DLGAP4: variants seen among roughly 807,000 people sequenced by gnomAD.
The protein encoded by DLGAP4 is disks large-associated protein 4.
A neutral mutation model predicts 86.9 loss-of-function variants in DLGAP4; 18 were observed. The observed-to-expected ratio is 0.21, with a 90% CI of 0.14 to 0.31. The LOEUF is 0.31. Ranked by LOEUF, DLGAP4 falls within the 10% of genes least tolerant of loss-of-function variation. DLGAP4 has a pLI of 1.00. For synonymous variants in DLGAP4, 548 were observed against 574.3 expected (o/e 0.95, Z 0.65); for missense variants, 1,085 against 1,362.6 (o/e 0.80, Z 3.21).
rs2035215797 is a variant in DLGAP4 at position 36,482,157 on chromosome 20, G to A, written c.1649-14548G>A. Among the ~76,000 whole-genome samples the A allele has an allele frequency of 5.3e-5, 8 of 152,110 alleles. No individual in the cohort carries two copies. The South Asian group carries it at 1.5e-3, about 28-fold the overall frequency. On this transcript the variant is annotated intron_variant, in intron 7 of 12. Transcript: ENST00000339266. The stretch of plus-strand genomic sequence containing the variant: ...CCGAGGGATCTTGGCTCCTACTCCT[G>A]TCACCTGATATGCCACCTGCCACTC...
At chr20:36,343,083 C>CT (rs1198979152) in intron 1 of DLGAP4, among the ~76,000 whole-genome samples, 1 of 152,074 alleles carries the variant, frequency 6.6e-6, no homozygotes, top group Non-Finnish European at 1.5e-5. Context: ...GGCCTTCTGG[C>CT]CCTCAGCCCC....
rs915616919 is a variant in DLGAP4, at chr20:36,431,824, C to A, written c.107C>A (p.Pro36His). The change falls in exon 3 of 13, where the codon CCC (proline) becomes CAC (histidine). Residue 36 changes from proline to histidine, a missense_variant. Pro to His is a moderately conservative substitution (Grantham distance 77). This residue lies in a region of DLGAP4 where 1,082 missense variants were observed against 1,344.1 expected (regional missense o/e 0.81). Transcript: ENST00000339266. The surrounding 1 kb of genome is among the most constrained non-coding windows in gnomAD (Gnocchi z 5.1). ...GTDRNPYLLS[P>H]TEAFAREARF... ...GACCGCAACCCCTACCTGCTGTCGC[C>A]CACGGAGGCCTTCGCCCGCGAGGCC... is the stretch of plus-strand genomic sequence containing the variant. 9 of 1,613,808 alleles carry A rather than the reference C, an allele frequency of 5.6e-6. No individual in the cohort carries two copies. The East Asian group carries it at 2.0e-4, about 36-fold the overall frequency.
At chr20:36,496,591 C>A (rs2147764851) in intron 7 of DLGAP4, 114 bp from the exon 8 acceptor site, 1 of 1,471,604 alleles carries the variant, frequency 6.8e-7, no homozygotes, top group Non-Finnish European at 9.0e-7. Flanking sequence ...GACGGAATGG[C>A]TAAGCCCAGA....
chr20:36,357,260 G>A (rs962703211), intron 1 of DLGAP4, among the ~76,000 whole-genome samples: 1 of 152,130 alleles, frequency 6.6e-6, no homozygotes, highest in Non-Finnish European at 1.5e-5. Flanking sequence ...GGCGTGCTCT[G>A]TCCCTCTTCC....
chr20:36,378,046 C>T (rs1161175435), intron 2 of DLGAP4, among the ~76,000 whole-genome samples: 3 of 152,212 alleles, frequency 2.0e-5, no homozygotes, highest in Non-Finnish European at 4.4e-5. Flanking sequence ...ACCAGCCCAG[C>T]TGTCCCCCAG....
chr20:36,466,980 TC>T (rs2034398782), intron 7 of DLGAP4, among the ~76,000 whole-genome samples: 2 of 149,404 alleles, frequency 1.3e-5, no homozygotes, highest in Admixed American at 1.3e-4. Flanking sequence ...CTCTCCTCTC[TC>T]TCTCTCTCTG....
intron 2 of DLGAP4, among the ~76,000 whole-genome samples, chr20:36,421,640 G>C (rs2032831549): frequency 6.6e-6 from 1 of 151,988 alleles, no homozygotes; most frequent in African/African-American, 2.4e-5. Context: ...AGTTTGTGCT[G>C]CTGAATGGGA....
intron 1 of DLGAP4, among the ~76,000 whole-genome samples, chr20:36,324,398 G>C (rs927059579): frequency 1.3e-5 from 2 of 152,188 alleles, no homozygotes; most frequent in South Asian, 4.1e-4. Flanking sequence ...CTGTACTCCA[G>C]CCTGGGGAAC....
At position 36,478,123 on chromosome 20, in the gene DLGAP4, C is replaced by T. The variant is rs116440841; in HGVS notation, c.1649-18582C>T. Among the ~76,000 whole-genome samples, 134 of 152,284 alleles carry T rather than the reference C, an allele frequency of 8.8e-4. 1 individual carries two copies. The highest frequency in any genetic ancestry group is 3.1e-3 in the African/African-American group (127 of 41,562). On this transcript the variant is annotated intron_variant, in intron 7 of 12. Transcript: ENST00000339266. The stretch of plus-strand genomic sequence containing the variant: ...TAATTCTGTGTCATAGGACTAGAGT[C>T]CTAAATGACTTTCATGGTGATCATC...
chr20:36,431,627 T>C lies in DLGAP4; in HGVS notation c.-72-19T>C. 1 of 1,428,672 alleles carries C rather than the reference T, an allele frequency of 7.0e-7. No homozygotes were observed. Among genetic ancestry groups the C allele is most frequent in the Non-Finnish European group, 9.4e-7 (1 of 1,067,938 alleles). 88.5% of individuals were successfully genotyped at this position (1,428,672 alleles called of 1,614,324 possible). The stretch of plus-strand genomic sequence containing the variant: ...CAATCCAGCTGACCAGCTGACCGCT[T>C]TCTGTCTTCTCTCCCTAGGATAGCT... On this transcript the variant is annotated intron_variant, in intron 2 of 12. Transcript: ENST00000339266. The surrounding 1 kb of genome is among the most constrained non-coding windows in gnomAD (Gnocchi z 5.1).
At chr20:36,520,583 G>A (rs2037314926) in intron 10 of DLGAP4, among the ~76,000 whole-genome samples, 1 of 152,158 alleles carries the variant, frequency 6.6e-6, no homozygotes, top group African/African-American at 2.4e-5. Flanking sequence ...CTGACCTCAA[G>A]TGATACACCC....
Position 36,396,325 on chromosome 20 carries a change from A to ACACACACACG in DLGAP4, c.-73+29059_-73+29060insGCACACACAC, listed in dbSNP as rs1569484429. Among the ~76,000 whole-genome samples, 12 of 68,934 alleles carry ACACACACACG rather than the reference A, an allele frequency of 1.7e-4. No individual in the cohort carries two copies. The East Asian group carries it at 4.6e-3, about 26-fold the overall frequency. The allele number at this position is 68,934 out of a possible 152,430, so 45.2% of individuals were successfully genotyped here. A position where few individuals can be genotyped will look rare whatever the true frequency, so the allele number is the denominator to read the frequency against. On this transcript the variant is annotated intron_variant, in intron 2 of 12. Coordinates refer to ENST00000339266, the MANE Select transcript of DLGAP4 (RefSeq NM_001365621.2). ...AAACCCCTCACCCAGAACCCAGCAC[A>ACACACACACG]CACACACACACGCACACACACACAC...
At chr20:36,488,700 C>T (rs1258435715) in intron 7 of DLGAP4, among the ~76,000 whole-genome samples, 1 of 152,084 alleles carries the variant, frequency 6.6e-6, no homozygotes, top group Non-Finnish European at 1.5e-5. Flanking sequence ...ACCTCAGCCT[C>T]CCAAATAGCT....
intron 1 of DLGAP4, among the ~76,000 whole-genome samples, chr20:36,356,675 TAAAA>T (rs781791220): frequency 1.6e-5 from 2 of 128,734 alleles, no homozygotes; most frequent in African/African-American, 2.8e-5. Context: ...CCTGTTTTTG[TAAAA>T]AAAAAAAAAA....
intron 7 of DLGAP4, among the ~76,000 whole-genome samples, chr20:36,490,812 G>A (rs1207308072): frequency 6.6e-6 from 1 of 152,184 alleles, no homozygotes; most frequent in Admixed American, 6.5e-5. Context: ...TGAGGTTGCT[G>A]TGTCCTCCGC....
intron 1 of DLGAP4, among the ~76,000 whole-genome samples, chr20:36,309,904 A>G (rs2065037541): frequency 6.6e-6 from 1 of 152,232 alleles, no homozygotes; most frequent in Non-Finnish European, 1.5e-5. Flanking sequence ...CCATCCTGCC[A>G]GGTGCTTCCT....
chr20:36,340,803 G>A (rs2065372096), intron 1 of DLGAP4, among the ~76,000 whole-genome samples: 1 of 152,232 alleles, frequency 6.6e-6, no homozygotes, highest in African/African-American at 2.4e-5. Flanking sequence ...GAGCCAAAGA[G>A]CTTGATGCAG....
At chr20:36,367,904 G>A (rs2030753858) in intron 2 of DLGAP4, among the ~76,000 whole-genome samples, 1 of 152,168 alleles carries the variant, frequency 6.6e-6, no homozygotes, top group Non-Finnish European at 1.5e-5. Flanking sequence ...AGGCTCTGCT[G>A]GCATAACAAT....
Position 36,318,106 on chromosome 20 carries a change from TCACACACACACACA to T in DLGAP4, c.-304+11633_-304+11646del, listed in dbSNP as rs1156543199. Among the ~76,000 whole-genome samples, 743 of 139,208 alleles carry T rather than the reference TCACACACACACACA, an allele frequency of 5.3e-3. 1 individual carries two copies. The highest frequency in any genetic ancestry group is 0.027 in the South Asian group (105 of 3,950). 91.3% of individuals were successfully genotyped at this position (139,208 alleles called of 152,430 possible). ...TTAAAGCAGTAATAAATGTGTCCTCTCACACACACACACACACACACACACACACACACACACAC... is the reference window on the plus strand; with the variant it reads ...TTAAAGCAGTAATAAATGTGTCCTCTCACACACACACACACACACACACAC... On this transcript the variant is annotated intron_variant, in intron 1 of 12. Transcript: ENST00000339266.
Sources: allele counts gnomAD v4.1 joint callset (sites outside exome capture counted in the v4.1 genomes callset), GRCh38; gene constraint gnomAD v4.1.1; regional missense constraint gnomAD v4.1.1; non-coding constraint Gnocchi (gnomAD v3.1); transcripts MANE v1.5; gene names NCBI Gene and HGNC (gene_info 2026-07-23, HGNC 2026-07-21).